Variants in STAT5B observed in about 807,000 individuals in gnomAD.
STAT5B encodes the protein signal transducer and activator of transcription 5B.
STAT5B carries 21 observed loss-of-function variants against 107.8 expected under a neutral mutation model. That is an observed-to-expected ratio of 0.19 (90% confidence interval 0.14 to 0.28). The LOEUF is 0.28. STAT5B is among the 10% of genes least tolerant of loss of function. The pLI is 1.00. For synonymous variants in STAT5B, 325 were observed against 401.7 expected (o/e 0.81, Z 2.28); for missense variants, 565 against 1,008.2 (o/e 0.56, Z 5.95).
chr17:42,202,131 G>C (rs1468607693), intron 18 of STAT5B: 13 of 661,044 alleles, frequency 2.0e-5, no homozygotes, highest in Non-Finnish European at 3.4e-5. Flanking sequence ...TGAGAGAGGG[G>C]AACAGATGAC....
At chr17:42,227,284 A>G (rs983438346) in intron 3 of STAT5B, among the ~76,000 whole-genome samples, 1 of 151,744 alleles carries the variant, frequency 6.6e-6, no homozygotes, top group African/African-American at 2.4e-5. Flanking sequence ...TGACAACATA[A>G]AAGTCAACAA....
chr17:42,205,392 A>G (rs966730611), intron 16 of STAT5B, among the ~76,000 whole-genome samples: 4 of 151,950 alleles, frequency 2.6e-5, no homozygotes, highest in Non-Finnish European at 5.9e-5. Flanking sequence ...GATATGGTCT[A>G]GACTCCAACC....
intron 3 of STAT5B, among the ~76,000 whole-genome samples, chr17:42,225,094 G>A (rs1782951648): frequency 6.6e-6 from 1 of 152,048 alleles, no homozygotes; most frequent in Non-Finnish European, 1.5e-5. Flanking sequence ...TCACTCTGTT[G>A]CCCAGGCTGG....
chr17:42,278,805 C>T (rs1003363389), upstream of STAT5B, among the ~76,000 whole-genome samples: 4 of 151,910 alleles, frequency 2.6e-5, no homozygotes, highest in African/African-American at 9.7e-5. Flanking sequence ...ATGTTGAAAC[C>T]CTGTCTCTAC....
At chr17:42,248,321 T>C (rs1192245563) in intron 1 of STAT5B, among the ~76,000 whole-genome samples, 1 of 139,070 alleles carries the variant, frequency 7.2e-6, no homozygotes, top group African/African-American at 2.7e-5. Flanking sequence ...TGAGAAGAAA[T>C]GACATTTAAT....
chr17:42,206,604 C>T (rs1423891800), intron 16 of STAT5B, among the ~76,000 whole-genome samples: 5 of 152,128 alleles, frequency 3.3e-5, no homozygotes. Context: ...GACAGAGTTT[C>T]ACTCTTGTTG....
intron 5 of STAT5B, among the ~76,000 whole-genome samples, chr17:42,222,581 G>A (rs1282210235): frequency 6.6e-6 from 1 of 152,066 alleles, no homozygotes; most frequent in African/African-American, 2.4e-5. Flanking sequence ...TTACTATGTT[G>A]CCTAAGCTAG....
At chr17:42,250,223 A>C (rs750441067) in intron 1 of STAT5B, among the ~76,000 whole-genome samples, 13 of 152,184 alleles carry the variant, frequency 8.5e-5, no homozygotes, top group Non-Finnish European at 1.5e-4. Context: ...TGTGGTGGCA[A>C]CAGAGACACC....
chr17:42,268,446 C>T (rs2080693340), intron 1 of STAT5B: 1 of 152,114 alleles, frequency 6.6e-6, no homozygotes, highest in Non-Finnish European at 1.5e-5. Context: ...ATGACAAAAT[C>T]GCCTAATGCA....
At chr17:42,230,945 G>T (rs1201556753) in intron 2 of STAT5B, among the ~76,000 whole-genome samples, 3 of 151,998 alleles carry the variant, frequency 2.0e-5, no homozygotes, top group Admixed American at 6.6e-5. Flanking sequence ...TTACAGGCAT[G>T]AGCCACAACA....
chr17:42,244,421 T>A (rs1025937299), intron 1 of STAT5B, among the ~76,000 whole-genome samples: 1 of 152,000 alleles, frequency 6.6e-6, no homozygotes, highest in African/African-American at 2.4e-5. Flanking sequence ...AGGTTTATAT[T>A]TGTACTGTAA....
chr17:42,258,027 G>A (rs9906933), intron 1 of STAT5B, among the ~76,000 whole-genome samples: 54,363 of 151,872 alleles, frequency 0.36, 10,942 homozygotes, highest in African/African-American at 0.54. Flanking sequence ...CTTTGTGTCC[G>A]CTCTTTAATT....
At chr17:42,265,421 A>G (rs1466265118) in intron 1 of STAT5B, among the ~76,000 whole-genome samples, 1 of 136,070 alleles carries the variant, frequency 7.3e-6, no homozygotes, top group Non-Finnish European at 1.5e-5. Context: ...ACCAGGCTGG[A>G]GTGCAGTAGT....
chr17:42,285,072 A>T, the STAT5B span, among the ~76,000 whole-genome samples: 1 of 151,768 alleles, frequency 6.6e-6, no homozygotes, highest in Non-Finnish European at 1.5e-5. Context: ...CTTTTGGAGA[A>T]TATATTGCTT....
intron 3 of STAT5B, among the ~76,000 whole-genome samples, chr17:42,225,997 C>T (rs368799682): frequency 3.9e-5 from 6 of 152,256 alleles, no homozygotes; most frequent in African/African-American, 9.6e-5. Context: ...TGCAATGGCA[C>T]GGTCTCGGCT....
chr17:42,283,554 T>C, the STAT5B span, among the ~76,000 whole-genome samples: 1 of 152,320 alleles, frequency 6.6e-6, no homozygotes, highest in Middle Eastern at 3.4e-3. Context: ...CCTCATGCTA[T>C]TCCCAGAAAC....
chr17:42,203,090 C>T (rs936487988), intron 16 of STAT5B: 8 of 453,222 alleles, frequency 1.8e-5, no homozygotes, highest in Non-Finnish European at 3.3e-5. Flanking sequence ...TACAGGTACA[C>T]CACCACACTT....
chr17:42,234,093 T>C (rs1206150494), intron 1 of STAT5B: 1 of 152,234 alleles, frequency 6.6e-6, no homozygotes, highest in Non-Finnish European at 1.5e-5. Flanking sequence ...TTCTAAGAAC[T>C]AGGTTACAGT....
chr17:42,278,446 C>G (rs902859068), upstream of STAT5B, among the ~76,000 whole-genome samples: 1 of 152,236 alleles, frequency 6.6e-6, no homozygotes, highest in Non-Finnish European at 1.5e-5. Context: ...CGACACACAC[C>G]TGTGGTCCCA....
Sources: allele counts gnomAD v4.1 joint callset (sites outside exome capture counted in the v4.1 genomes callset), GRCh38; gene constraint gnomAD v4.1.1; transcripts MANE v1.5; gene names NCBI Gene and HGNC (gene_info 2026-07-23, HGNC 2026-07-21).